Variants in FBXL3 observed in about 807,000 individuals in gnomAD.
FBXL3 encodes F-box and leucine rich repeat protein 3, also known as F-box/LRR-repeat protein 3.
FBXL3 carries 14 observed loss-of-function variants against 37.9 expected under a neutral mutation model. That is an observed-to-expected ratio of 0.37 (90% CI 0.24 to 0.58). The LOEUF (loss-of-function observed/expected upper bound fraction) is 0.58, where lower values mean the gene tolerates loss of function less well. Among genes scored for constraint, FBXL3 ranks in the 20% least tolerant of loss-of-function variants. The pLI is 0.74. For synonymous variants in FBXL3, 194 were observed against 180.1 expected (o/e 1.08, Z -0.62); for missense variants, 327 against 511.1 (o/e 0.64, Z 3.47).
intron 1 of FBXL3, among the ~76,000 whole-genome samples, chr13:77,023,345 A>AGTGTGTGT (rs3037568): frequency 6.1e-5 from 9 of 147,502 alleles, no homozygotes; most frequent in African/African-American, 1.5e-4. Flanking sequence ...AGAGAGAGAG[A>AGTGTGTGT]GTGTGTGTGT....
At chr13:77,026,360 CCT>C in intron 1 of FBXL3, 1 of 985,436 alleles carries the variant, frequency 1.0e-6, no homozygotes, top group African/African-American at 1.7e-5. Flanking sequence ...ACTGGCTTCC[CCT>C]GACATTTCTC....
At chr13:77,025,874 T>G (rs2034829360) in intron 1 of FBXL3, among the ~76,000 whole-genome samples, 1 of 152,200 alleles carries the variant, frequency 6.6e-6, no homozygotes. Context: ...CTTTCTGTTC[T>G]GCTTTTACTA....
At chr13:77,026,485 C>T (rs1593939588) in intron 1 of FBXL3, 2 of 555,732 alleles carry the variant, frequency 3.6e-6, no homozygotes, top group East Asian at 1.5e-4. Context: ...CTCCATGGTG[C>T]CTGTCACCAG....
At position 77,006,995 on chromosome 13, in the gene FBXL3, G is replaced by C; in HGVS notation, c.*150C>G. On this transcript the variant is annotated 3_prime_UTR_variant, in exon 5 of 5. Coordinates refer to ENST00000355619, the MANE Select transcript of FBXL3 (RefSeq NM_012158.4). Reference sequence around the variant, plus strand: ...ATTTTCTGACCAAAACTCATTCATGGGTCTTCCGATAAACAATCTTTACAT... The same window carrying C: ...ATTTTCTGACCAAAACTCATTCATGCGTCTTCCGATAAACAATCTTTACAT... The C allele has an allele frequency of 7.1e-7, 1 of 1,413,432 alleles. No individual in the cohort carries two copies. Among genetic ancestry groups the C allele is most frequent in the South Asian group, 1.6e-5 (1 of 60,666 alleles). The allele number at this position is 1,413,432 out of a possible 1,614,324, so 87.6% of individuals were successfully genotyped here. A position where few individuals can be genotyped will look rare whatever the true frequency, so the allele number is the denominator to read the frequency against.
At chr13:77,023,907 G>A (rs1254370981) in intron 1 of FBXL3, among the ~76,000 whole-genome samples, 1 of 152,228 alleles carries the variant, frequency 6.6e-6, no homozygotes, top group Non-Finnish European at 1.5e-5. Flanking sequence ...AGAGGCCTCT[G>A]ACCTTAATGC....
intron 2 of FBXL3, 69 bp from the exon 3 acceptor site, chr13:77,018,791 G>T: frequency 1.5e-6 from 2 of 1,306,204 alleles, no homozygotes; most frequent in Non-Finnish European, 1.0e-6. Flanking sequence ...CAAATACCCA[G>T]ACTTCAAGAT....
At chr13:77,019,736 A>G (rs921650314) in intron 2 of FBXL3, among the ~76,000 whole-genome samples, 2 of 152,176 alleles carry the variant, frequency 1.3e-5, no homozygotes, top group African/African-American at 4.8e-5. Flanking sequence ...AATTCTAACT[A>G]TAAGCCTCCT....
At chr13:77,015,788 T>TG in intron 3 of FBXL3, 2 of 320,166 alleles carry the variant, frequency 6.2e-6, no homozygotes, top group Non-Finnish European at 5.6e-6. Flanking sequence ...TATTTATGTG[T>TG]GGGGGAAAAA....
chr13:77,017,455 G>A (rs947772266), intron 3 of FBXL3: 3 of 152,060 alleles, frequency 2.0e-5, no homozygotes, highest in Non-Finnish European at 4.4e-5. Flanking sequence ...GTATTTCTTA[G>A]CGTGAGTTCC....
chr13:77,025,216 C>T (rs1276012465), intron 1 of FBXL3, among the ~76,000 whole-genome samples: 1 of 152,214 alleles, frequency 6.6e-6, no homozygotes, highest in African/African-American at 2.4e-5. Flanking sequence ...ACATTCTAGA[C>T]TCTAGAAATC....
rs1250338051 is a variant in FBXL3 at position 77,006,658 on chromosome 13, A to G, written c.*487T>C. On this transcript the variant is annotated 3_prime_UTR_variant, in exon 5 of 5. Coordinates refer to ENST00000355619, the MANE Select transcript of FBXL3 (RefSeq NM_012158.4). Reference sequence around the variant, plus strand: ...TGTAACATTTGAGAACATTCATCCAATCTTTTCCATTAGATATGATATATT... The same window carrying G: ...TGTAACATTTGAGAACATTCATCCAGTCTTTTCCATTAGATATGATATATT... 2 of 270,850 alleles carry G rather than the reference A, an allele frequency of 7.4e-6. No individual in the cohort carries two copies. The highest frequency in any genetic ancestry group is 2.3e-5 in the African/African-American group (1 of 43,584). The allele number at this position is 270,850 out of a possible 1,614,324, so 16.8% of individuals were successfully genotyped here.
intron 3 of FBXL3, chr13:77,017,074 TGTTCTCTTCA>T (rs2034656536): frequency 6.6e-6 from 1 of 152,220 alleles, no homozygotes; most frequent in East Asian, 1.9e-4. Flanking sequence ...ATTTCTTCTA[TGTTCTCTTCA>T]GTTCTCTTGG....
intron 1 of FBXL3, 90 bp downstream of exon 1, chr13:77,026,737 C>G (rs111738214): frequency 6.9e-6 from 1 of 144,404 alleles, no homozygotes; most frequent in Non-Finnish European, 1.5e-5. Flanking sequence ...CCCCCCACCC[C>G]ACCCCACCCC....
chr13:77,014,383 A>C (rs867432174), intron 4 of FBXL3: 1 of 152,236 alleles, frequency 6.6e-6, no homozygotes, highest in African/African-American at 2.4e-5. Flanking sequence ...AAATATAAAA[A>C]TGTAATCAAG....
chr13:77,024,756 C>A (rs1593937939), intron 1 of FBXL3, among the ~76,000 whole-genome samples: 1 of 152,056 alleles, frequency 6.6e-6, no homozygotes, highest in East Asian at 1.9e-4. Flanking sequence ...ATATGATCAC[C>A]AAAGCCTATT....
At position 77,005,656 on chromosome 13, in the gene FBXL3, G is replaced by A. The variant is rs1437697824; in HGVS notation, c.*1489C>T. 2 of 152,138 alleles carry A rather than the reference G, an allele frequency of 1.3e-5. No individual in the cohort carries two copies. Among genetic ancestry groups the A allele is most frequent in the East Asian group, 3.9e-4 (2 of 5,180 alleles). 9.4% of individuals were successfully genotyped at this position (152,138 alleles called of 1,614,324 possible). A position where few individuals can be genotyped will look rare whatever the true frequency, so the allele number is the denominator to read the frequency against. On this transcript the variant is annotated 3_prime_UTR_variant, in exon 5 of 5. Coordinates refer to ENST00000355619, the MANE Select transcript of FBXL3 (RefSeq NM_012158.4). ...ACTTTTGGAAAGCAAAAATTATGTAGAAAATCACCTTTTGCTTTATTCTTA... is the reference window on the plus strand; with the variant it reads ...ACTTTTGGAAAGCAAAAATTATGTAAAAAATCACCTTTTGCTTTATTCTTA...
At position 77,025,687 on chromosome 13, in the gene FBXL3, CAAAAAAAA is replaced by C. The variant is rs35934318; in HGVS notation, c.-2+1132_-2+1139del. ...TGGGTGACAAAGTGAGTCCTTGTCT[CAAAAAAAA>C]AAAAAAAAAAAAAAAAACTTTGAAA... On this transcript the variant is annotated intron_variant, in intron 1 of 4. Coordinates refer to ENST00000355619, the MANE Select transcript of FBXL3 (RefSeq NM_012158.4). Among the ~76,000 whole-genome samples the C allele has an allele frequency of 7.3e-4, 54 of 73,968 alleles. 2 individuals are homozygous for C. In the East Asian group the frequency reaches 0.018, roughly 25 times the overall value. The allele number at this position is 73,968 out of a possible 152,430, so 48.5% of individuals were successfully genotyped here. A position where few individuals can be genotyped will look rare whatever the true frequency, so the allele number is the denominator to read the frequency against.
Position 77,007,803 on chromosome 13 carries a change from A to C in FBXL3, c.644-15T>G. ...ACAAAGGATACCTTGAAAGAAAAAA[A>C]AAATTATTTGCAAGTTTTTGTAAAA... is the stretch of plus-strand genomic sequence containing the variant. On this transcript the variant is annotated splice_polypyrimidine_tract_variant and intron_variant, in intron 4 of 4. Transcript: ENST00000355619. 2 of 1,533,070 alleles carry C rather than the reference A, an allele frequency of 1.3e-6. No individual in the cohort carries two copies. Among genetic ancestry groups the C allele is most frequent in the Non-Finnish European group, 1.8e-6 (2 of 1,141,714 alleles). 95.0% of individuals were successfully genotyped at this position (1,533,070 alleles called of 1,614,324 possible).
chr13:77,007,204 A>T lies in FBXL3; in HGVS notation c.1228T>A (p.Trp410Arg), dbSNP rs1355916066. 2 of 1,613,798 alleles carry T rather than the reference A, an allele frequency of 1.2e-6. No individual in the cohort carries two copies. The highest frequency in any genetic ancestry group is 1.7e-6 in the Non-Finnish European group (2 of 1,180,004). The stretch of plus-strand genomic sequence containing the variant: ...CTACCAAGATGCTTGGACACTTCCC[A>T]GTGAATCTGCTCCAAACTATACTTT... ...DQKYSLEQIH[W>R]EVSKHLGRVW... The change falls in exon 5 of 5, where the codon TGG becomes AGG. Residue 410 changes from tryptophan (W) to arginine (R), a missense_variant. By Grantham distance (101) the Trp-to-Arg change is moderately radical. Coordinates refer to ENST00000355619, the MANE Select transcript of FBXL3 (RefSeq NM_012158.4).
Sources: gnomAD v4.1 joint callset for allele counts (sites outside exome capture counted in the v4.1 genomes callset) on GRCh38, gnomAD v4.1.1 for gene constraint, MANE v1.5 for transcripts, NCBI Gene and HGNC (gene_info 2026-07-23, HGNC 2026-07-21) for gene names.